Variants in PROS1 observed in about 807,000 individuals in gnomAD.
PROS1 encodes the protein protein S, also known as vitamin K-dependent protein S.
Under a neutral mutation model 75.9 loss-of-function variants are expected in PROS1, and 29 were observed. That is an observed-to-expected ratio of 0.38 (90% CI 0.28 to 0.52). PROS1 has a LOEUF of 0.52. Among genes scored for constraint, PROS1 ranks in the 20% least tolerant of loss-of-function variants. PROS1 has a pLI of 0.83. For synonymous variants in PROS1, 245 were observed against 280.6 expected (o/e 0.87, Z 1.27); for missense variants, 680 against 810.3 (o/e 0.84, Z 1.95).
At chr3:93,950,158 C>G (rs1347266719) in intron 1 of PROS1, among the ~76,000 whole-genome samples, 1 of 152,152 alleles carries the variant, frequency 6.6e-6, no homozygotes, top group African/African-American at 2.4e-5. Flanking sequence ...ATTGCTGAGG[C>G]TTGAGTAGGT....
At chr3:93,955,103 T>C in intron 1 of PROS1, among the ~76,000 whole-genome samples, 1 of 152,088 alleles carries the variant, frequency 6.6e-6, no homozygotes, top group Non-Finnish European at 1.5e-5. Context: ...TGTGGAGAAA[T>C]AGGAACACTT....
intron 6 of PROS1, among the ~76,000 whole-genome samples, chr3:93,903,071 T>C (rs1246894852): frequency 1.3e-5 from 2 of 152,106 alleles, no homozygotes; most frequent in Non-Finnish European, 2.9e-5. Flanking sequence ...TTCAGCGTGT[T>C]AGCCAGGATG....
At chr3:93,876,571 A>G (rs1708190953) in intron 14 of PROS1, among the ~76,000 whole-genome samples, 1 of 136,552 alleles carries the variant, frequency 7.3e-6, no homozygotes, top group Admixed American at 7.8e-5. Context: ...CCTGGGCGAC[A>G]GAGCCAGACT....
chr3:93,902,454 A>G (rs1042619686), intron 6 of PROS1, among the ~76,000 whole-genome samples: 7 of 152,164 alleles, frequency 4.6e-5, no homozygotes, highest in Non-Finnish European at 1.0e-4. Flanking sequence ...TGTCTGACTG[A>G]AAGGTTGTAT....
At chr3:93,937,058 G>A (rs925461460) in intron 1 of PROS1, among the ~76,000 whole-genome samples, 8 of 152,174 alleles carry the variant, frequency 5.3e-5, no homozygotes, top group Non-Finnish European at 8.8e-5. Flanking sequence ...GTAGCAGGAC[G>A]AGCCACAGAC....
At chr3:93,947,008 G>C (rs529414676) in intron 1 of PROS1, among the ~76,000 whole-genome samples, 2 of 152,228 alleles carry the variant, frequency 1.3e-5, no homozygotes, top group South Asian at 4.2e-4. Flanking sequence ...GTGGGCAAAG[G>C]TTACGAACAG....
intron 2 of PROS1, among the ~76,000 whole-genome samples, chr3:93,926,505 G>A (rs995446009): frequency 1.2e-4 from 18 of 152,206 alleles, no homozygotes; most frequent in South Asian, 4.1e-4. Context: ...GGTGGCATAC[G>A]CCTCTAATCC....
At chr3:93,944,873 G>GT (rs1709353945) in intron 1 of PROS1, among the ~76,000 whole-genome samples, 1 of 152,066 alleles carries the variant, frequency 6.6e-6, no homozygotes, top group South Asian at 2.1e-4. Flanking sequence ...CTAGGAGCTG[G>GT]TTTTTTGAAA....
chr3:93,926,423 G>A (rs541495093), intron 2 of PROS1, among the ~76,000 whole-genome samples: 16 of 152,254 alleles, frequency 1.1e-4, no homozygotes, highest in Admixed American at 2.0e-4. Context: ...CTTAAGCCCA[G>A]GAGTTTGAGA....
In PROS1 at chr3:93,912,455, G is replaced by A. The variant is rs545911201; in HGVS notation, c.260-1750C>T. Among the ~76,000 whole-genome samples the A allele has an allele frequency of 1.1e-4, 17 of 152,220 alleles. No homozygotes were observed. In the East Asian group the frequency reaches 1.9e-3, roughly 17 times the overall value. On this transcript the variant is annotated intron_variant, in intron 3 of 14. Coordinates refer to ENST00000394236, the MANE Select transcript of PROS1 (RefSeq NM_000313.4). The stretch of plus-strand genomic sequence containing the variant: ...ATTAGGACATAGATATGTCTGGGGC[G>A]GGGAGGGGCAGGCAGGGTGGAGGAA...
intron 1 of PROS1, among the ~76,000 whole-genome samples, chr3:93,957,148 T>A (rs1196185180): frequency 6.6e-6 from 1 of 152,056 alleles, no homozygotes; most frequent in African/African-American, 2.4e-5. Flanking sequence ...TAAAGGAAAA[T>A]TATGTATCTA....
chr3:93,957,802 T>C, intron 1 of PROS1, among the ~76,000 whole-genome samples: 1 of 152,188 alleles, frequency 6.6e-6, no homozygotes. Flanking sequence ...TACCTAAGAC[T>C]GGGCAATTTA....
At chr3:93,927,558 C>A in intron 1 of PROS1, 151 bp from the exon 2 acceptor site, 3 of 905,592 alleles carry the variant, frequency 3.3e-6, no homozygotes, top group South Asian at 3.6e-5. Context: ...AATGCAGATA[C>A]AGAAGCACGT....
chr3:93,885,463 T>C (rs1443230777), intron 11 of PROS1, among the ~76,000 whole-genome samples: 1 of 152,080 alleles, frequency 6.6e-6, no homozygotes, highest in African/African-American at 2.4e-5. Flanking sequence ...TGACCTCAGG[T>C]GATCCACCCG....
At chr3:93,883,369 G>T (rs1267461503) in intron 12 of PROS1, among the ~76,000 whole-genome samples, 2 of 152,258 alleles carry the variant, frequency 1.3e-5, no homozygotes, top group African/African-American at 4.8e-5. Context: ...AGAGGCTAAG[G>T]CAAGCAGATC....
intron 12 of PROS1, among the ~76,000 whole-genome samples, chr3:93,884,036 C>T (rs1462228074): frequency 6.6e-6 from 1 of 152,198 alleles, no homozygotes; most frequent in Non-Finnish European, 1.5e-5. Context: ...AGAAGCTCAA[C>T]TTTTCACTAG....
chr3:93,926,737 A>G (rs1180143783), intron 2 of PROS1, among the ~76,000 whole-genome samples: 3 of 152,236 alleles, frequency 2.0e-5, no homozygotes, highest in Non-Finnish European at 4.4e-5. Flanking sequence ...ACACACACAC[A>G]CGTTAATACT....
At chr3:93,920,218 T>G (rs982437855) in intron 3 of PROS1, among the ~76,000 whole-genome samples, 9 of 151,956 alleles carry the variant, frequency 5.9e-5, no homozygotes, top group African/African-American at 2.2e-4. Context: ...GGCAACATAG[T>G]GAGACCCCAT....
At position 93,973,848 on chromosome 3, in the gene PROS1, G is replaced by C; in HGVS notation, c.-99C>G. Reference sequence around the variant, plus strand: ...GCTGCGAGCCTGTGCGCCTCGGTCTGAGCCGTGCTGCGCGGCGGCGCCAGC... The same window carrying C: ...GCTGCGAGCCTGTGCGCCTCGGTCTCAGCCGTGCTGCGCGGCGGCGCCAGC... On this transcript the variant is annotated 5_prime_UTR_variant, in exon 1 of 15. Transcript: ENST00000394236. The C allele has an allele frequency of 9.8e-7, 1 of 1,018,020 alleles. No individual in the cohort carries two copies. Among genetic ancestry groups the C allele is most frequent in the Middle Eastern group, 3.4e-4 (1 of 2,934 alleles). 63.1% of individuals were successfully genotyped at this position (1,018,020 alleles called of 1,614,324 possible). A position where few individuals can be genotyped will look rare whatever the true frequency, so the allele number is the denominator to read the frequency against.
Sources: gnomAD v4.1 joint callset for allele counts (sites outside exome capture counted in the v4.1 genomes callset) on GRCh38, gnomAD v4.1.1 for gene constraint, MANE v1.5 for transcripts, NCBI Gene and HGNC (gene_info 2026-07-23, HGNC 2026-07-21) for gene names.